Variants in RBFOX3 observed in about 807,000 individuals in gnomAD.
RBFOX3 encodes RNA binding fox-1 homolog 3.
Under a neutral mutation model 48.7 loss-of-function variants are expected in RBFOX3, and 17 were observed. The observed-to-expected ratio is 0.35, with a 90% confidence interval of 0.24 to 0.52. RBFOX3 has a LOEUF of 0.52. RBFOX3 is among the 20% of genes least tolerant of loss of function. The pLI, the probability that RBFOX3 is intolerant of heterozygous loss-of-function variation, is 0.94. For missense variants in RBFOX3, 382 were observed against 497.5 expected, an observed-to-expected ratio of 0.77 and a Z score of 2.21; for synonymous variants, 212 against 209.5, an observed-to-expected ratio of 1.01 and a Z score of -0.10.
chr17:79,572,491 C>G (rs1032172298), intron 1 of RBFOX3, among the ~76,000 whole-genome samples: 1 of 152,078 alleles, frequency 6.6e-6, no homozygotes, highest in Non-Finnish European at 1.5e-5. Flanking sequence ...CAGACCCCTC[C>G]CACCCCAGCT....
At chr17:79,611,734 C>T (rs1217399262), upstream of RBFOX3, among the ~76,000 whole-genome samples, 3 of 152,224 alleles carry the variant, frequency 2.0e-5, no homozygotes, top group African/African-American at 7.2e-5. Context: ...CCCAAACCCC[C>T]TCACTAGGCC....
chr17:79,339,390 T>C (rs2081696290), intron 2 of RBFOX3, among the ~76,000 whole-genome samples: 1 of 152,086 alleles, frequency 6.6e-6, no homozygotes, highest in Non-Finnish European at 1.5e-5. Flanking sequence ...TGGAAAACCA[T>C]TGTTCTCAAA....
intron 4 of RBFOX3, chr17:79,183,416 C>T (rs1420287848): frequency 1.3e-5 from 2 of 152,308 alleles, no homozygotes; most frequent in Admixed American, 1.3e-4. Context: ...CGCTGCGTCC[C>T]TCGGAGTGTG....
intron 2 of RBFOX3, among the ~76,000 whole-genome samples, chr17:79,420,170 CACACAA>C (rs782276089): frequency 0.036 from 2,946 of 82,764 alleles, 70 homozygotes; most frequent in Middle Eastern, 0.097. Context: ...CACACACACA[CACACAA>C]AAGATGGTTA....
chr17:79,354,515 A>G (rs770064805), intron 2 of RBFOX3, among the ~76,000 whole-genome samples: 1 of 152,244 alleles, frequency 6.6e-6, no homozygotes. Flanking sequence ...CAGCCCTTTC[A>G]GTCTTGGCGT....
chr17:79,135,691 C>T (rs745389173), intron 4 of RBFOX3, among the ~76,000 whole-genome samples: 8 of 152,198 alleles, frequency 5.3e-5, no homozygotes, highest in Admixed American at 6.5e-5. Flanking sequence ...CCAACCTTTC[C>T]CCAAAGGACC....
At chr17:79,658,609 T>C in the RBFOX3 span, among the ~76,000 whole-genome samples, 1 of 151,982 alleles carries the variant, frequency 6.6e-6, no homozygotes, top group Non-Finnish European at 1.5e-5. Context: ...CTCAGAACAG[T>C]GAAGCTGTCG....
intron 4 of RBFOX3, among the ~76,000 whole-genome samples, chr17:79,189,368 C>T (rs567698778): frequency 6.6e-6 from 1 of 152,294 alleles, no homozygotes; most frequent in South Asian, 2.1e-4. Flanking sequence ...TTTATGGGAG[C>T]CCTTTTCTTC....
intron 4 of RBFOX3, among the ~76,000 whole-genome samples, chr17:79,186,617 T>G (rs767060288): frequency 2.0e-5 from 3 of 152,052 alleles, no homozygotes; most frequent in African/African-American, 4.8e-5. Flanking sequence ...CCCCCGCTCC[T>G]GGGGCGGAGG....
intron 4 of RBFOX3, among the ~76,000 whole-genome samples, chr17:79,209,715 C>T (rs968701895): frequency 6.6e-6 from 1 of 152,166 alleles, no homozygotes; most frequent in Non-Finnish European, 1.5e-5. Flanking sequence ...CGGCGCTGGC[C>T]GGGCGTGGTG....
chr17:79,323,721 A>G (rs577425453), intron 2 of RBFOX3, among the ~76,000 whole-genome samples: 35 of 152,336 alleles, frequency 2.3e-4, no homozygotes, highest in African/African-American at 7.9e-4. Flanking sequence ...TGCCTTGGCC[A>G]GAGATGGCTG....
intron 3 of RBFOX3, among the ~76,000 whole-genome samples, chr17:79,271,845 A>G (rs1299874979): frequency 1.3e-5 from 2 of 152,246 alleles, no homozygotes; most frequent in Non-Finnish European, 2.9e-5. Flanking sequence ...GTCAGGACCT[A>G]GAGGCACAGG....
intron 1 of RBFOX3, among the ~76,000 whole-genome samples, chr17:79,521,944 G>A (rs1000106362): frequency 0.048 from 7,337 of 152,180 alleles, 300 homozygotes; most frequent in African/African-American, 0.11. Flanking sequence ...CAGTGAAGTC[G>A]GTGGCTCAGG....
chr17:79,429,481 G>A (rs1555727301), intron 2 of RBFOX3, among the ~76,000 whole-genome samples: 2 of 152,300 alleles, frequency 1.3e-5, no homozygotes, highest in South Asian at 2.1e-4. Context: ...GGAGGAGGGA[G>A]GCCATGCCGT....
rs1232178762 is a variant in RBFOX3, at chr17:79,191,213, A to G, written c.-34+44553T>C. ...AGAAACCAATATCCCTTCCTCCAGC[A>G]CTGGGCAAGGAGAGGCCACATGGAG... is the stretch of plus-strand genomic sequence containing the variant. On this transcript the variant is annotated intron_variant, in intron 4 of 14. Coordinates refer to ENST00000693108, the MANE Select transcript of RBFOX3 (RefSeq NM_001350451.2). Among the ~76,000 whole-genome samples, 3 of 152,192 alleles carry G rather than the reference A, an allele frequency of 2.0e-5. No homozygotes were observed. In the East Asian group the frequency reaches 5.8e-4, roughly 29 times the overall value.
rs1399011375 is a variant in RBFOX3 at position 79,263,584 on chromosome 17, C to T, written c.-73-27779G>A. Among the ~76,000 whole-genome samples the T allele has an allele frequency of 2.0e-5, 3 of 152,084 alleles. No homozygotes were observed. The East Asian group carries it at 5.8e-4, about 30-fold the overall frequency. On this transcript the variant is annotated intron_variant, in intron 3 of 14. Coordinates refer to ENST00000693108, the MANE Select transcript of RBFOX3 (RefSeq NM_001350451.2). Reference sequence around the variant, plus strand: ...GAGGCTGCCCCAGCTCATCGTGAGCCACCCCCACCTGCTCTCTAGGGTGGC... The same window carrying T: ...GAGGCTGCCCCAGCTCATCGTGAGCTACCCCCACCTGCTCTCTAGGGTGGC...
In RBFOX3 at chr17:79,097,653, G is replaced by C. The variant is rs921731257; in HGVS notation, c.622+39C>G. ...CCCCGGAGCCCCACGGGGCCAAGTA[G>C]CTGGTCTCATCCCATCCCCGCCCCG... On this transcript the variant is annotated intron_variant, in intron 10 of 14. Transcript: ENST00000693108. 30 of 1,408,560 alleles carry C rather than the reference G, an allele frequency of 2.1e-5. No homozygotes were observed. In the Admixed American group the frequency reaches 5.5e-4, roughly 26 times the overall value. The allele number at this position is 1,408,560 out of a possible 1,614,324, so 87.3% of individuals were successfully genotyped here. A position where few individuals can be genotyped will look rare whatever the true frequency, so the allele number is the denominator to read the frequency against.
chr17:79,546,370 C>T (rs1000210717), intron 1 of RBFOX3, among the ~76,000 whole-genome samples: 15 of 152,290 alleles, frequency 9.8e-5, no homozygotes, highest in Middle Eastern at 3.4e-3. Flanking sequence ...ATCAGATGAA[C>T]GTCATCACCA....
chr17:79,268,658 C>G (rs1026471348), intron 3 of RBFOX3, among the ~76,000 whole-genome samples: 7 of 152,214 alleles, frequency 4.6e-5, no homozygotes, highest in Non-Finnish European at 1.0e-4. Flanking sequence ...CACTCATGCC[C>G]TGGCTGACTC....
Sources: allele counts gnomAD v4.1 joint callset (sites outside exome capture counted in the v4.1 genomes callset), GRCh38; gene constraint gnomAD v4.1.1; transcripts MANE v1.5; gene names NCBI Gene and HGNC (gene_info 2026-07-23, HGNC 2026-07-21).